The following ADAM2 variants were observed in gnomAD, a reference collection of about 807,000 sequenced individuals.
The protein encoded by ADAM2 is disintegrin and metalloproteinase domain-containing protein 2.
A neutral mutation model predicts 99.3 loss-of-function variants in ADAM2; 101 were observed. The observed-to-expected ratio is 1.02, with a 90% CI of 0.87 to 1.20. ADAM2 has a LOEUF of 1.20. Among genes scored for constraint, ADAM2 ranks in the 50% most tolerant of loss-of-function variants. ADAM2 has a pLI of 0.00. For missense variants in ADAM2, 948 were observed against 878.7 expected, an observed-to-expected ratio of 1.08 and a Z score of -1.00; for synonymous variants, 323 against 287.6, an observed-to-expected ratio of 1.12 and a Z score of -1.25.
intron 14 of ADAM2, among the ~76,000 whole-genome samples, chr8:39,766,030 T>C (rs2129584029): frequency 6.6e-6 from 1 of 152,324 alleles, no homozygotes; most frequent in East Asian, 1.9e-4. Flanking sequence ...GTTTGCACCA[T>C]GGTTTTCTTT....
chr8:39,821,390 C>G (rs1805182118), intron 5 of ADAM2, among the ~76,000 whole-genome samples, 196 bp downstream of exon 5: 1 of 152,040 alleles, frequency 6.6e-6, no homozygotes, highest in Non-Finnish European at 1.5e-5. Context: ...TCATGGCTTC[C>G]AAATATATTT....
intron 15 of ADAM2, among the ~76,000 whole-genome samples, chr8:39,760,738 AT>A (rs1802326615): frequency 7.3e-6 from 1 of 136,914 alleles, no homozygotes; most frequent in African/African-American, 3.2e-5. Flanking sequence ...AAATAAAAAA[AT>A]AAAAAAAAAA....
intron 3 of ADAM2, among the ~76,000 whole-genome samples, chr8:39,833,342 A>G (rs1195378001): frequency 2.0e-5 from 3 of 152,066 alleles, no homozygotes. Flanking sequence ...TTTTGTATTG[A>G]TTTGGTAATT....
At chr8:39,748,398 G>C (rs1057438027) in intron 18 of ADAM2, among the ~76,000 whole-genome samples, 3 of 152,116 alleles carry the variant, frequency 2.0e-5, no homozygotes, top group African/African-American at 7.2e-5. Context: ...ATTGTTGCTA[G>C]TAAAATGGAA....
In ADAM2 at chr8:39,777,161, G is replaced by C; in HGVS notation, c.892C>G (p.His298Asp). Reference protein sequence around the residue: ...DANYAGGVVLHPRTISLESLA... With the variant: ...DANYAGGVVLDPRTISLESLA... The stretch of plus-strand genomic sequence containing the variant: ...GATTCCAGACTTATGGTTCTGGGGT[G>C]CTGAGAAAAAAAAATAGATGTACAC... Residue 298 changes from histidine (H) to aspartate (D), a missense_variant and splice_region_variant, in exon 11 of 21, where the codon CAC (histidine) becomes GAC (aspartate). His to Asp is a moderately conservative substitution (Grantham distance 81, BLOSUM62 -1). Coordinates refer to ENST00000265708, the MANE Select transcript of ADAM2 (RefSeq NM_001464.5). 6.3e-7 allele frequency: 1 copy of C among 1,593,110 alleles called. No homozygotes were observed. The highest frequency in any genetic ancestry group is 8.5e-7 in the Non-Finnish European group (1 of 1,172,644).
At chr8:39,754,276 A>T in intron 16 of ADAM2, among the ~76,000 whole-genome samples, 1 of 152,280 alleles carries the variant, frequency 6.6e-6, no homozygotes, top group African/African-American at 2.4e-5. Flanking sequence ...GTAAAGGAGG[A>T]TCACAAACAA....
intron 7 of ADAM2, among the ~76,000 whole-genome samples, chr8:39,790,080 A>C (rs940619014): frequency 1.3e-5 from 2 of 151,944 alleles, no homozygotes; most frequent in Admixed American, 6.6e-5. Context: ...ATTCTTATGC[A>C]TGCTGATGGA....
intron 6 of ADAM2, among the ~76,000 whole-genome samples, chr8:39,816,058 G>C (rs1469832740): frequency 6.6e-6 from 1 of 152,112 alleles, no homozygotes; most frequent in South Asian, 2.1e-4. Context: ...CAGTTTGGGA[G>C]GCTGAGGTGG....
At chr8:39,831,245 G>A (rs1206862395) in intron 3 of ADAM2, among the ~76,000 whole-genome samples, 1 of 138,556 alleles carries the variant, frequency 7.2e-6, no homozygotes, top group Admixed American at 7.2e-5. Context: ...ATGCAGAAAT[G>A]AAAACTCTAA....
At chr8:39,755,942 A>G (rs758664157) in intron 15 of ADAM2, 31 bp from the exon 16 acceptor site, 2 of 1,208,906 alleles carry the variant, frequency 1.7e-6, no homozygotes, top group Admixed American at 2.3e-5. Context: ...AAAATTATTA[A>G]TTTTAATTTA....
At chr8:39,798,489 C>A (rs1273358743) in intron 7 of ADAM2, among the ~76,000 whole-genome samples, 2 of 151,958 alleles carry the variant, frequency 1.3e-5, no homozygotes, top group Non-Finnish European at 2.9e-5. Flanking sequence ...GGGATATTGG[C>A]CTGAAGTTTT....
At chr8:39,796,261 A>G (rs1803939056) in intron 7 of ADAM2, among the ~76,000 whole-genome samples, 1 of 152,000 alleles carries the variant, frequency 6.6e-6, no homozygotes, top group Admixed American at 6.6e-5. Flanking sequence ...CTCAATGTTC[A>G]GCTCCCACTT....
At chr8:39,836,151 A>G (rs796543906) in intron 2 of ADAM2, among the ~76,000 whole-genome samples, 4 of 152,280 alleles carry the variant, frequency 2.6e-5, no homozygotes, top group African/African-American at 9.6e-5. Context: ...AAGAATACAG[A>G]CATTAACAAA....
chr8:39,811,249 A>G (rs1437589529), intron 6 of ADAM2, among the ~76,000 whole-genome samples: 1 of 152,234 alleles, frequency 6.6e-6, no homozygotes. Flanking sequence ...AAGAAGTTGA[A>G]TCCCTGAATA....
chr8:39,796,121 A>G (rs1469986897), intron 7 of ADAM2, among the ~76,000 whole-genome samples: 1 of 150,658 alleles, frequency 6.6e-6, no homozygotes, highest in Non-Finnish European at 1.5e-5. Context: ...GTGCAGGTTT[A>G]TTACATAGGT....
chr8:39,748,356 C>G (rs1389280542), intron 18 of ADAM2, among the ~76,000 whole-genome samples: 1 of 152,066 alleles, frequency 6.6e-6, no homozygotes, highest in Non-Finnish European at 1.5e-5. Context: ...TGAATAGAAA[C>G]AATTAATTGC....
intron 10 of ADAM2, among the ~76,000 whole-genome samples, chr8:39,779,063 A>G (rs1439074238): frequency 2.6e-5 from 4 of 151,922 alleles, no homozygotes; most frequent in Non-Finnish European, 5.9e-5. Context: ...TCTTACTAGT[A>G]CATATATTTT....
At chr8:39,779,655 C>A (rs905413120) in intron 10 of ADAM2, among the ~76,000 whole-genome samples, 1 of 152,048 alleles carries the variant, frequency 6.6e-6, no homozygotes, top group Non-Finnish European at 1.5e-5. Flanking sequence ...ACAGAGCAGA[C>A]AATTTTCTTT....
At chr8:39,812,620 C>T (rs182783963) in intron 6 of ADAM2, among the ~76,000 whole-genome samples, 148 of 152,202 alleles carry the variant, frequency 9.7e-4, no homozygotes, top group Middle Eastern at 3.4e-3. Context: ...GAAATAGTAC[C>T]GCACATCTAC....
Sources: gnomAD v4.1 joint callset for allele counts (sites outside exome capture counted in the v4.1 genomes callset) on GRCh38, gnomAD v4.1.1 for gene constraint, MANE v1.5 for transcripts, NCBI Gene and HGNC (gene_info 2026-07-23, HGNC 2026-07-21) for gene names.